Variants in CCDC7 observed in about 807,000 individuals in gnomAD.
The protein encoded by CCDC7 is coiled-coil domain containing 7.
In CCDC7, 183 loss-of-function variants were observed where a neutral mutation model predicts 196.9. The ratio of observed to expected loss-of-function variants is 0.93; its 90% CI spans 0.82 to 1.05. CCDC7 has a LOEUF of 1.05. Ranked by LOEUF, CCDC7 falls within the 50% of genes least tolerant of loss-of-function variation. CCDC7 has a pLI of 0.00. For synonymous variants in CCDC7, 525 were observed against 484.6 expected, an observed-to-expected ratio of 1.08 and a Z score of -1.10; for missense variants, 1,540 against 1,482.2, an observed-to-expected ratio of 1.04 and a Z score of -0.64.
At chr10:32,818,766 T>C (rs912983473) in intron 31 of CCDC7, among the ~76,000 whole-genome samples, 5 of 152,002 alleles carry the variant, frequency 3.3e-5, no homozygotes, top group Non-Finnish European at 7.4e-5. Context: ...TTGAAACCAA[T>C]GAGAACAAAG....
intron 41 of CCDC7, among the ~76,000 whole-genome samples, chr10:32,861,809 GA>G (rs111337519): frequency 0.16 from 23,784 of 152,062 alleles, 2,298 homozygotes; most frequent in African/African-American, 0.25. Context: ...ACAAACATAT[GA>G]AAAAAAGATC....
rs117809093 is a variant in CCDC7 at position 32,829,020 on chromosome 10, G to A, written c.3268+4416G>A. On this transcript the variant is annotated intron_variant, in intron 32 of 41. Transcript: ENST00000639629. ...GGCTCCTCCTACCTTTAAATCAACA[G>A]GCTAAGAAGGGGGCTACATTGTTGA... Among the ~76,000 whole-genome samples, 42 of 152,298 alleles carry A rather than the reference G, an allele frequency of 2.8e-4. No individual in the cohort carries two copies. In the East Asian group the frequency reaches 6.9e-3, roughly 25 times the overall value.
chr10:32,704,422 G>A (rs113086235), intron 24 of CCDC7, among the ~76,000 whole-genome samples: 1 of 152,060 alleles, frequency 6.6e-6, no homozygotes, highest in Non-Finnish European at 1.5e-5. Context: ...TTTCCCTACT[G>A]GGGGGTGCCT....
At chr10:32,828,435 GA>G (rs2091495978) in intron 32 of CCDC7, among the ~76,000 whole-genome samples, 4 of 54,778 alleles carry the variant, frequency 7.3e-5, no homozygotes, top group African/African-American at 1.8e-4. Context: ...AAGAAGGAAG[GA>G]AGGAGAAGAA....
intron 28 of CCDC7, among the ~76,000 whole-genome samples, chr10:32,748,763 G>C (rs1275247946): frequency 1.3e-5 from 2 of 152,148 alleles, no homozygotes; most frequent in Non-Finnish European, 2.9e-5. Context: ...CCTTCATGTA[G>C]GCTTGTTAGG....
intron 9 of CCDC7, among the ~76,000 whole-genome samples, chr10:32,506,589 C>T (rs555810297): frequency 2.0e-5 from 3 of 152,272 alleles, no homozygotes; most frequent in African/African-American, 4.8e-5. Flanking sequence ...AGTGAGACTC[C>T]GTCTGCAATC....
At chr10:32,793,810 G>A (rs1197059695) in intron 29 of CCDC7, among the ~76,000 whole-genome samples, 1 of 152,044 alleles carries the variant, frequency 6.6e-6, no homozygotes, top group Non-Finnish European at 1.5e-5. Flanking sequence ...TGAATTTATC[G>A]AGACTGTTTT....
chr10:32,807,721 C>A (rs1267595758), intron 30 of CCDC7, among the ~76,000 whole-genome samples: 1 of 151,842 alleles, frequency 6.6e-6, no homozygotes, highest in African/African-American at 2.4e-5. Context: ...CTTACAGGCC[C>A]TGACCAGTGG....
chr10:32,568,406 A>C (rs189971270), intron 15 of CCDC7, among the ~76,000 whole-genome samples: 28 of 152,284 alleles, frequency 1.8e-4, no homozygotes, highest in Admixed American at 2.0e-4. Context: ...ATTTTGAATG[A>C]CCACATAAGC....
chr10:32,572,796 A>C (rs2057725567), intron 16 of CCDC7, among the ~76,000 whole-genome samples: 2 of 151,388 alleles, frequency 1.3e-5, no homozygotes, highest in African/African-American at 2.4e-5. Flanking sequence ...AGTATTAATA[A>C]TTATCTTCAA....
intron 41 of CCDC7, among the ~76,000 whole-genome samples, chr10:32,855,085 T>C (rs1008365119): frequency 1.3e-5 from 2 of 152,184 alleles, no homozygotes; most frequent in Admixed American, 6.6e-5. Flanking sequence ...TTTTCATGCA[T>C]TGGAAATATT....
rs552825912 is a variant in CCDC7 at position 32,678,863 on chromosome 10, C to G, written c.2123-7107C>G. On this transcript the variant is annotated intron_variant, in intron 21 of 41. Coordinates refer to ENST00000639629, the Ensembl canonical transcript of CCDC7. Reference sequence around the variant, plus strand: ...GTGTTCCACTGCTGTGCTGTAGCCTCTCATTTGAATTCCAGAGGTCTCATA... The same window carrying G: ...GTGTTCCACTGCTGTGCTGTAGCCTGTCATTTGAATTCCAGAGGTCTCATA... Among the ~76,000 whole-genome samples the G allele has an allele frequency of 6.3e-4, 96 of 152,266 alleles. 1 individual carries two copies. Among genetic ancestry groups the G allele is most frequent in the Middle Eastern group, 3.4e-3 (1 of 294 alleles).
chr10:32,626,692 G>A (rs1308715574), intron 18 of CCDC7, among the ~76,000 whole-genome samples: 1 of 151,856 alleles, frequency 6.6e-6, no homozygotes. Flanking sequence ...ATAGTTTCTG[G>A]TATTACCTTT....
chr10:32,505,030 GCTGT>G (rs969312251), intron 9 of CCDC7, among the ~76,000 whole-genome samples: 13 of 152,154 alleles, frequency 8.5e-5, no homozygotes, highest in African/African-American at 2.9e-4. Context: ...TTATTATATT[GCTGT>G]CTGTCTCTCG....
chr10:32,576,839 C>A (rs1217086782), intron 16 of CCDC7, among the ~76,000 whole-genome samples: 1 of 152,040 alleles, frequency 6.6e-6, no homozygotes, highest in East Asian at 1.9e-4. Context: ...TGAATAAATT[C>A]CTTATTGGCC....
chr10:32,867,052 A>G (rs1239370615), intron 41 of CCDC7, among the ~76,000 whole-genome samples: 1 of 151,720 alleles, frequency 6.6e-6, no homozygotes, highest in South Asian at 2.1e-4. Flanking sequence ...TATGTAGGTC[A>G]AGACACAAAA....
chr10:32,807,546 A>G (rs1234638687), intron 30 of CCDC7, among the ~76,000 whole-genome samples: 1 of 152,136 alleles, frequency 6.6e-6, no homozygotes, highest in East Asian at 1.9e-4. Context: ...CAGAGAATTA[A>G]CAGGAAACAC....
At chr10:32,718,115 A>T (rs1019280569) in intron 25 of CCDC7, among the ~76,000 whole-genome samples, 3 of 152,188 alleles carry the variant, frequency 2.0e-5, no homozygotes, top group Non-Finnish European at 4.4e-5. Context: ...CCTGATGAAC[A>T]TCGATGCGAA....
At chr10:32,608,055 G>T (rs1299813786) in intron 18 of CCDC7, among the ~76,000 whole-genome samples, 1 of 151,942 alleles carries the variant, frequency 6.6e-6, no homozygotes, top group Non-Finnish European at 1.5e-5. Flanking sequence ...ATGTGTCCAG[G>T]CATTTATTCA....
Sources: allele counts gnomAD v4.1 joint callset (sites outside exome capture counted in the v4.1 genomes callset), GRCh38; gene constraint gnomAD v4.1.1; transcripts MANE v1.5; gene names NCBI Gene and HGNC (gene_info 2026-07-23, HGNC 2026-07-21).